Variants in EXOSC7 observed in about 807,000 individuals in gnomAD.
EXOSC7 encodes exosome component 7, also known as exosome complex component RRP42.
Under a neutral mutation model 34.3 loss-of-function variants are expected in EXOSC7, and 25 were observed. That is an observed-to-expected ratio of 0.73 (90% CI 0.53 to 1.02). EXOSC7 has a LOEUF of 1.02. EXOSC7 is among the 50% of genes least tolerant of loss of function. The probability of loss-of-function intolerance (pLI) is 0.00; values close to 1 mark genes in which losing one functional copy is unlikely to be tolerated. For synonymous variants in EXOSC7, 130 were observed against 143.0 expected, an observed-to-expected ratio of 0.91 and a Z score of 0.65; for missense variants, 370 against 368.5, an observed-to-expected ratio of 1.00 and a Z score of -0.03.
At position 44,989,203 on chromosome 3, in the gene EXOSC7, GT is replaced by G. The variant is rs754508628; in HGVS notation, c.122del (p.Val41GlyfsTer22). 2 of 1,614,162 alleles carry G rather than the reference GT, an allele frequency of 1.2e-6. No individual in the cohort carries two copies. The highest frequency in any genetic ancestry group is 1.7e-6 in the Non-Finnish European group (2 of 1,180,000). On this transcript the variant is annotated frameshift_variant, in exon 2 of 8. Coordinates refer to ENST00000265564, the MANE Select transcript of EXOSC7 (RefSeq NM_015004.4). LOFTEE classifies it high-confidence loss of function. ...CCGATGTGTCGAAGTGGAAACTGAT[GT>G]GGTGTCCAACACTAGTGGGTCCGCC... ...DYRCVEVETD[V>X]VSNTSGSARV...
intron 6 of EXOSC7, among the ~76,000 whole-genome samples, chr3:45,007,011 C>T (rs898479369): frequency 5.3e-5 from 8 of 152,188 alleles, no homozygotes; most frequent in Admixed American, 2.6e-4. Context: ...TGAGCCGCTG[C>T]GCCCAGCCTT....
intron 1 of EXOSC7, among the ~76,000 whole-genome samples, chr3:44,979,965 A>G (rs1706231684): frequency 6.6e-6 from 1 of 152,242 alleles, no homozygotes; most frequent in South Asian, 2.1e-4. Flanking sequence ...TCAGGGAACC[A>G]ATAAGAGATG....
At chr3:44,988,915 C>G (rs1411516354) in intron 1 of EXOSC7, among the ~76,000 whole-genome samples, 1 of 152,204 alleles carries the variant, frequency 6.6e-6, no homozygotes, top group Non-Finnish European at 1.5e-5. Flanking sequence ...TTTGTTTTCA[C>G]TAGCTGTAGG....
chr3:44,989,573 A>G lies in EXOSC7; in HGVS notation c.183A>G (p.Gly61=). 6.2e-7 allele frequency: 1 copy of G among 1,614,002 alleles called. No individual in the cohort carries two copies. The highest frequency in any genetic ancestry group is 8.5e-7 in the Non-Finnish European group (1 of 1,179,948). ...AGGGTCACACAGACATCTTGGTGGG[A>G]GTGAAAGCAGAAATGGGGACGCCGA... ...VKLGHTDILV[G]VKAEMGTPKL... Residue 61 remains glycine, a synonymous_variant, in exon 3 of 8, where the codon GGA becomes GGG. Transcript: ENST00000265564.
chr3:44,984,339 G>A (rs1706349110), intron 1 of EXOSC7, among the ~76,000 whole-genome samples: 1 of 152,140 alleles, frequency 6.6e-6, no homozygotes, highest in Non-Finnish European at 1.5e-5. Context: ...AGCTGGGCAT[G>A]TTGACATGTG....
chr3:45,011,181 G>C, intron 7 of EXOSC7, 54 bp from the exon 8 acceptor site: 1 of 1,030,054 alleles, frequency 9.7e-7, no homozygotes, highest in Non-Finnish European at 1.4e-6. Flanking sequence ...TTTCTGGTCA[G>C]AGTGTGTGTG....
rs1260208929 is a variant in EXOSC7, at chr3:45,003,344, TGC to T, written c.491+1738_491+1739del. Among the ~76,000 whole-genome samples, 40 of 110,944 alleles carry T rather than the reference TGC, an allele frequency of 3.6e-4. 1 individual carries two copies. Among genetic ancestry groups the T allele is most frequent in the East Asian group, 2.5e-3 (3 of 1,224 alleles). 72.8% of individuals were successfully genotyped at this position (110,944 alleles called of 152,430 possible). On this transcript the variant is annotated intron_variant, in intron 5 of 7. Transcript: ENST00000265564. ...GAGATACTGTGCGTGCGTGCGTGCG[TGC>T]GTGCGTGTGTGTGTGTATGTGTGTG...
At chr3:45,005,784 C>A (rs1399240784) in intron 6 of EXOSC7, among the ~76,000 whole-genome samples, 2 of 152,068 alleles carry the variant, frequency 1.3e-5, no homozygotes, top group African/African-American at 4.8e-5. Flanking sequence ...CACTGTCCCC[C>A]CTATGAAATG....
chr3:44,989,264 A>G, intron 2 of EXOSC7, 23 bp downstream of exon 2: 1 of 1,561,446 alleles, frequency 6.4e-7, no homozygotes. Context: ...ACCATGGTTC[A>G]AGCCCAGGTG....
chr3:45,009,057 G>A (rs1177559612), intron 7 of EXOSC7, among the ~76,000 whole-genome samples: 1 of 152,184 alleles, frequency 6.6e-6, no homozygotes, highest in Admixed American at 6.5e-5. Flanking sequence ...CATAAATACT[G>A]GAGCTAGGAT....
intron 3 of EXOSC7, among the ~76,000 whole-genome samples, chr3:44,991,361 A>C (rs956425383): frequency 6.6e-6 from 1 of 152,022 alleles, no homozygotes; most frequent in Non-Finnish European, 1.5e-5. Context: ...TCAAGCCCCC[A>C]ACTTATCTTT....
intron 1 of EXOSC7, among the ~76,000 whole-genome samples, chr3:44,981,823 G>A (rs1198082243): frequency 6.6e-6 from 1 of 152,056 alleles, no homozygotes; most frequent in Non-Finnish European, 1.5e-5. Context: ...CCAGAGGATC[G>A]CTTGAGCCCA....
chr3:44,995,202 C>T (rs759620915), intron 3 of EXOSC7, among the ~76,000 whole-genome samples: 11 of 152,102 alleles, frequency 7.2e-5, no homozygotes, highest in Admixed American at 5.2e-4. Context: ...AGGCTGGTCT[C>T]GAACCCCCGA....
At chr3:44,997,341 C>CA (rs1373651543) in intron 4 of EXOSC7, 89 bp downstream of exon 4, 16 of 1,226,968 alleles carry the variant, frequency 1.3e-5, no homozygotes, top group Admixed American at 2.1e-5. Flanking sequence ...TTTTCCTCTT[C>CA]AGGTGGATGC....
chr3:44,985,359 T>G (rs545677082), intron 1 of EXOSC7, among the ~76,000 whole-genome samples: 1 of 152,334 alleles, frequency 6.6e-6, no homozygotes, highest in South Asian at 2.1e-4. Context: ...CTCACTGATT[T>G]CAAGAATGAA....
At chr3:45,007,087 G>A (rs950290636) in intron 6 of EXOSC7, among the ~76,000 whole-genome samples, 5 of 152,106 alleles carry the variant, frequency 3.3e-5, no homozygotes, top group African/African-American at 1.2e-4. Context: ...TCAGTGAAAC[G>A]TCCATGTGGC....
In EXOSC7 at chr3:45,003,305, G is replaced by C. The variant is rs543522859; in HGVS notation, c.491+1697G>C. ...CTGCCCAGGCTTGTTGTAGCCAAAG[G>C]GTTGGGAAATTGGGAGATACTGTGC... is the stretch of plus-strand genomic sequence containing the variant. On this transcript the variant is annotated intron_variant, in intron 5 of 7. Coordinates refer to ENST00000265564, the MANE Select transcript of EXOSC7 (RefSeq NM_015004.4). Among the ~76,000 whole-genome samples, 10 of 151,518 alleles carry C rather than the reference G, an allele frequency of 6.6e-5. No homozygotes were observed. The East Asian group carries it at 1.9e-3, about 29-fold the overall frequency.
intron 1 of EXOSC7, among the ~76,000 whole-genome samples, chr3:44,981,705 G>A (rs770492494): frequency 2.6e-5 from 4 of 151,776 alleles, no homozygotes; most frequent in Non-Finnish European, 4.4e-5. Context: ...ATCACCAGAG[G>A]CCAGGAGTTG....
intron 1 of EXOSC7, among the ~76,000 whole-genome samples, chr3:44,984,265 G>A (rs1324929989): frequency 6.6e-6 from 1 of 152,174 alleles, no homozygotes; most frequent in African/African-American, 2.4e-5. Flanking sequence ...GAGGCCAGGA[G>A]TTTGAGACCA....
Sources: allele counts gnomAD v4.1 joint callset (sites outside exome capture counted in the v4.1 genomes callset), GRCh38; gene constraint gnomAD v4.1.1; transcripts MANE v1.5; gene names NCBI Gene and HGNC (gene_info 2026-07-23, HGNC 2026-07-21).